The following RAD54L2 variants were observed in gnomAD, a reference collection of about 807,000 sequenced individuals.
The protein encoded by RAD54L2 is RAD54 like 2.
Under a neutral mutation model 138.4 loss-of-function variants are expected in RAD54L2, and 27 were observed. The observed-to-expected ratio is 0.20, with a 90% CI of 0.14 to 0.27. The LOEUF (loss-of-function observed/expected upper bound fraction) is 0.27, where lower values mean the gene tolerates loss of function less well. Among genes scored for constraint, RAD54L2 ranks in the 10% least tolerant of loss-of-function variants. RAD54L2 has a pLI of 1.00. For synonymous variants in RAD54L2, 644 were observed against 723.2 expected (o/e 0.89, Z 1.76); for missense variants, 1,396 against 1,890.2 (o/e 0.74, Z 4.85).
chr3:51,579,781 G>A (rs1699566605), intron 2 of RAD54L2, among the ~76,000 whole-genome samples: 1 of 152,126 alleles, frequency 6.6e-6, no homozygotes, highest in Non-Finnish European at 1.5e-5. Flanking sequence ...GATAAGAAAA[G>A]GTACAGTTTA....
rs983515179 is a variant in RAD54L2 at position 51,571,776 on chromosome 3, T to G, written c.-54-18591T>G. Among the ~76,000 whole-genome samples the G allele has an allele frequency of 2.0e-5, 3 of 152,278 alleles. No individual in the cohort carries two copies. In the East Asian group the frequency reaches 5.8e-4, roughly 29 times the overall value. ...TTTCTAGTCTTTGACAGATGCCCCT[T>G]CTTCTCAAGAATTAACATCTATTAT... On this transcript the variant is annotated intron_variant, in intron 2 of 22. Transcript: ENST00000684192.
intron 19 of RAD54L2, among the ~76,000 whole-genome samples, chr3:51,647,388 C>G (rs1701307691): frequency 6.6e-6 from 1 of 152,028 alleles, no homozygotes; most frequent in Non-Finnish European, 1.5e-5. Context: ...ACTTTTTTGG[C>G]TGGGCACAGT....
chr3:51,590,547 G>T lies in RAD54L2; in HGVS notation c.127G>T (p.Asp43Tyr). 1 of 1,552,418 alleles carries T rather than the reference G, an allele frequency of 6.4e-7. No homozygotes were observed. The highest frequency in any genetic ancestry group is 8.7e-7 in the Non-Finnish European group (1 of 1,147,176). Residue 43 changes from aspartate (D) to tyrosine (Y), a missense_variant, in exon 3 of 23, where the codon GAC becomes TAC. By Grantham distance (160) the Asp-to-Tyr change is radical. Transcript: ENST00000684192. ...VEECDRDDEE[D>Y]LLDDPSLEGM... ...GGAGTGTGACAGGGATGATGAAGAAGACCTGCTGGATGGTAAGTGGGCTCT... is the reference window on the plus strand; with the variant it reads ...GGAGTGTGACAGGGATGATGAAGAATACCTGCTGGATGGTAAGTGGGCTCT...
At chr3:51,560,317 T>C (rs761631822) in intron 2 of RAD54L2, among the ~76,000 whole-genome samples, 7 of 152,116 alleles carry the variant, frequency 4.6e-5, no homozygotes, top group Admixed American at 1.3e-4. Flanking sequence ...AGCAATACTT[T>C]ACTAGCATAA....
At chr3:51,607,705 C>T (rs1251926779) in intron 3 of RAD54L2, among the ~76,000 whole-genome samples, 3 of 151,732 alleles carry the variant, frequency 2.0e-5, no homozygotes, top group Non-Finnish European at 4.4e-5. Context: ...CCCCCCACCT[C>T]CCAGACGGGG....
At chr3:51,565,152 G>A (rs1480471503) in intron 2 of RAD54L2, among the ~76,000 whole-genome samples, 1 of 152,142 alleles carries the variant, frequency 6.6e-6, no homozygotes. Context: ...AGTTATTGTA[G>A]CGATTGTAAA....
In RAD54L2 at chr3:51,663,016, GCA is replaced by G; in HGVS notation, c.4001_4002del (p.Ala1334GlyfsTer11). 6.2e-7 allele frequency: 1 copy of G among 1,613,920 alleles called. No homozygotes were observed. Among genetic ancestry groups the G allele is most frequent in the Non-Finnish European group, 8.5e-7 (1 of 1,179,862 alleles). Reference sequence around the variant, plus strand: ...CTACTACCAGCTGTCCAATTTGCTGGCAGATGCCCGCCTGGTGTTTCCAGTGA... The same window carrying G: ...CTACTACCAGCTGTCCAATTTGCTGGGATGCCCGCCTGGTGTTTCCAGTGA... Reference protein sequence around the residue: ...PSYYQLSNLLADARLVFPVTT... With the variant: ...PSYYQLSNLLXDARLVFPVTT... On this transcript the variant is annotated frameshift_variant, in exon 23 of 23. Transcript: ENST00000684192. LOFTEE classifies it high-confidence loss of function.
At chr3:51,642,123 A>T (rs182695771) in intron 15 of RAD54L2, among the ~76,000 whole-genome samples, 248 of 152,312 alleles carry the variant, frequency 1.6e-3, no homozygotes, top group Non-Finnish European at 2.4e-3. Context: ...TGACAATTCA[A>T]GAACAATTGA....
rs1261765461 is a variant in RAD54L2 at position 51,639,573 on chromosome 3, C to A, written c.2015C>A (p.Ala672Asp). The A allele has an allele frequency of 6.2e-7, 1 of 1,614,006 alleles. No individual in the cohort carries two copies. ...TKGKGEDSTLASSMGEATNSK... is the reference protein window; with the variant it reads ...TKGKGEDSTLDSSMGEATNSK... ...GGCAAGGGAGAGGATAGCACCTTGGCTTCCTCGATGGGAGAGGCAACCAAT... is the reference window on the plus strand; with the variant it reads ...GGCAAGGGAGAGGATAGCACCTTGGATTCCTCGATGGGAGAGGCAACCAAT... The change falls in exon 13 of 23, where the codon GCT (alanine) becomes GAT (aspartate). Residue 672 changes from alanine to aspartate, a missense_variant. Transcript: ENST00000684192.
intron 3 of RAD54L2, among the ~76,000 whole-genome samples, chr3:51,626,749 A>G (rs1282717956): frequency 5.3e-5 from 8 of 151,684 alleles, no homozygotes; most frequent in Non-Finnish European, 8.8e-5. Context: ...CCAGCCCCCA[A>G]CTATCTTTTA....
At chr3:51,591,963 T>G (rs1699847712) in intron 3 of RAD54L2, among the ~76,000 whole-genome samples, 1 of 152,078 alleles carries the variant, frequency 6.6e-6, no homozygotes, top group African/African-American at 2.4e-5. Context: ...ATGATATGCT[T>G]CTGCGGACTT....
intron 1 of RAD54L2, among the ~76,000 whole-genome samples, chr3:51,540,968 G>C (rs1271367708): frequency 1.3e-4 from 19 of 150,422 alleles, no homozygotes; most frequent in African/African-American, 4.4e-4. Flanking sequence ...TTGAATCTGG[G>C]AGGCAGAGGT....
chr3:51,660,813 G>A (rs1441764889), intron 22 of RAD54L2, among the ~76,000 whole-genome samples: 1 of 149,838 alleles, frequency 6.7e-6, no homozygotes, highest in African/African-American at 2.5e-5. Flanking sequence ...GTAGAGATTG[G>A]GTTTCACCAT....
chr3:51,576,461 T>C (rs1699483788), intron 2 of RAD54L2, among the ~76,000 whole-genome samples: 1 of 152,214 alleles, frequency 6.6e-6, no homozygotes, highest in Non-Finnish European at 1.5e-5. Context: ...GATTCGGCTC[T>C]GAATCCATCT....
chr3:51,606,200 G>A (rs1700176547), intron 3 of RAD54L2, among the ~76,000 whole-genome samples: 1 of 152,204 alleles, frequency 6.6e-6, no homozygotes, highest in Non-Finnish European at 1.5e-5. Context: ...AAGTGCAAAA[G>A]GGATAGGTGT....
Position 51,662,965 on chromosome 3 carries a change from TC to T in RAD54L2, c.3952del (p.Leu1318CysfsTer25). 6.2e-7 allele frequency: 1 copy of T among 1,613,886 alleles called. No individual in the cohort carries two copies. Among genetic ancestry groups the T allele is most frequent in the Non-Finnish European group, 8.5e-7 (1 of 1,179,850 alleles). On this transcript the variant is annotated frameshift_variant, in exon 23 of 23. Coordinates refer to ENST00000684192, the MANE Select transcript of RAD54L2 (RefSeq NM_015106.4). LOFTEE classifies it high-confidence loss of function. The surrounding 1 kb of genome is among the most constrained non-coding windows in gnomAD (Gnocchi z 4.6). Reference sequence around the variant, plus strand: ...CTTCACCTCCCAGGCTGGGGAGAACTCCCTGTTTATGGGCAGTACCCCCTCC... The same window carrying T: ...CTTCACCTCCCAGGCTGGGGAGAACTCCTGTTTATGGGCAGTACCCCCTCC... Reference protein sequence around the residue: ...TPFTSQAGENSLFMGSTPSYY... With the variant: ...TPFTSQAGENXLFMGSTPSYY...
At chr3:51,593,137 T>C (rs770862047) in intron 3 of RAD54L2, among the ~76,000 whole-genome samples, 1 of 152,046 alleles carries the variant, frequency 6.6e-6, no homozygotes, top group Non-Finnish European at 1.5e-5. Context: ...GTGAAGACAC[T>C]GGTTGTCAGG....
At chr3:51,623,763 C>G (rs1327648474) in intron 3 of RAD54L2, among the ~76,000 whole-genome samples, 1 of 151,760 alleles carries the variant, frequency 6.6e-6, no homozygotes, top group Non-Finnish European at 1.5e-5. Context: ...ATCACGAGGT[C>G]AGGAGATCGA....
In RAD54L2 at chr3:51,637,190, C is replaced by G; in HGVS notation, c.1369C>G (p.Pro457Ala). The stretch of plus-strand genomic sequence containing the variant: ...TGAGAAGGCTTTATGCCGCCCTGGC[C>G]CTGATGTAGTAATCTGTGATGAGGG... ...EFEKALCRPG[P>A]DVVICDEGHR... Residue 457 changes from proline to alanine, a missense_variant, in exon 11 of 23, where the codon CCT becomes GCT. This residue lies in a region of RAD54L2 where 169 missense variants were observed against 235.6 expected (regional missense o/e 0.72). Transcript: ENST00000684192. This position sits in a 1 kb window ranked among gnomAD's most constrained non-coding sequence, Gnocchi z 5.9. 1 of 1,589,048 alleles carries G rather than the reference C, an allele frequency of 6.3e-7. No homozygotes were observed. Among genetic ancestry groups the G allele is most frequent in the Non-Finnish European group, 8.6e-7 (1 of 1,167,548 alleles).
Sources: gnomAD v4.1 joint callset for allele counts (sites outside exome capture counted in the v4.1 genomes callset) on GRCh38, gnomAD v4.1.1 for gene constraint, gnomAD v4.1.1 regional missense constraint, Gnocchi (gnomAD v3.1) non-coding constraint, MANE v1.5 for transcripts, NCBI Gene and HGNC (gene_info 2026-07-23, HGNC 2026-07-21) for gene names.